Variants in ZDHHC13 observed in about 807,000 individuals in gnomAD.
ZDHHC13 encodes the protein palmitoyltransferase ZDHHC13.
ZDHHC13 carries 85 observed loss-of-function variants against 86.0 expected under a neutral mutation model. The observed-to-expected ratio is 0.99, with a 90% confidence interval of 0.83 to 1.18. ZDHHC13 has a LOEUF of 1.18. Among genes scored for constraint, ZDHHC13 ranks in the 50% most tolerant of loss-of-function variants. The pLI is 0.00. For missense variants in ZDHHC13, 711 were observed against 730.2 expected (o/e 0.97, Z 0.30); for synonymous variants, 263 against 246.4 (o/e 1.07, Z -0.63).
rs547108909 is a variant in ZDHHC13 at position 19,175,184 on chromosome 11, T to A, written c.1731-638T>A. 2.6e-5 allele frequency among the ~76,000 whole-genome samples: 4 copies of A among 151,428 alleles called. No homozygotes were observed. The East Asian group carries it at 5.9e-4, about 22-fold the overall frequency. ...TGGGCGGATCACGAGGTCAGGAGAT[T>A]GAGACCATCCTGGCTAACACGGTGA... On this transcript the variant is annotated intron_variant, in intron 16 of 16. Transcript: ENST00000446113.
At chr11:19,149,049 A>G (rs548837158) in intron 4 of ZDHHC13, 138 bp from the exon 5 acceptor site, 2 of 737,494 alleles carry the variant, frequency 2.7e-6, no homozygotes, top group South Asian at 4.1e-5. Context: ...GACAATCACC[A>G]TTGTTTCAAA....
chr11:19,151,056 T>A (rs1421590561), intron 6 of ZDHHC13, among the ~76,000 whole-genome samples: 1 of 152,086 alleles, frequency 6.6e-6, no homozygotes, highest in Non-Finnish European at 1.5e-5. Flanking sequence ...ATCAAGTAGA[T>A]ATACCTTGAA....
chr11:19,135,338 C>G (rs905872721), intron 1 of ZDHHC13, among the ~76,000 whole-genome samples: 6 of 152,218 alleles, frequency 3.9e-5, no homozygotes, highest in African/African-American at 7.2e-5. Flanking sequence ...TCGGGTCACT[C>G]CCACCCGAAT....
In ZDHHC13 at chr11:19,155,624, T is replaced by C. The variant is rs1201796472; in HGVS notation, c.874-172T>C. ...AAAAGATTGTTTCCAAGATGTACAA[T>C]CTCTCAAACCTCAAATTTATCAATC... On this transcript the variant is annotated intron_variant, in intron 8 of 16. Coordinates refer to ENST00000446113, the MANE Select transcript of ZDHHC13 (RefSeq NM_019028.3). 2.7e-5 allele frequency among the ~76,000 whole-genome samples: 4 copies of C among 149,574 alleles called. No homozygotes were observed. The East Asian group carries it at 8.0e-4, about 30-fold the overall frequency.
chr11:19,139,416 G>T (rs1432960194), intron 1 of ZDHHC13, among the ~76,000 whole-genome samples: 2 of 148,326 alleles, frequency 1.3e-5, no homozygotes, highest in Non-Finnish European at 3.0e-5. Flanking sequence ...AATAAAAGAG[G>T]ATACAAACAA....
chr11:19,174,914 C>G (rs150398836), intron 16 of ZDHHC13, among the ~76,000 whole-genome samples: 1 of 152,130 alleles, frequency 6.6e-6, no homozygotes, highest in Non-Finnish European at 1.5e-5. Context: ...TATATAGAGC[C>G]TTGAATACAA....
At chr11:19,119,473 C>T (rs1848715918) in intron 1 of ZDHHC13, among the ~76,000 whole-genome samples, 3 of 152,224 alleles carry the variant, frequency 2.0e-5, no homozygotes, top group Non-Finnish European at 4.4e-5. Flanking sequence ...GTCTTTCATA[C>T]TTACTTCTGG....
At chr11:19,156,659 A>G (rs1849763964) in intron 9 of ZDHHC13, among the ~76,000 whole-genome samples, 1 of 152,098 alleles carries the variant, frequency 6.6e-6, no homozygotes, top group Admixed American at 6.6e-5. Flanking sequence ...TCCTCAAATG[A>G]ATATGGGTGT....
chr11:19,123,511 G>A (rs1366026558), intron 1 of ZDHHC13, among the ~76,000 whole-genome samples: 1 of 152,052 alleles, frequency 6.6e-6, no homozygotes, highest in Non-Finnish European at 1.5e-5. Context: ...AGCAGGGTGT[G>A]GTAGTGCTTG....
intron 3 of ZDHHC13, 60 bp downstream of exon 3, chr11:19,146,363 T>G: frequency 6.4e-7 from 1 of 1,558,036 alleles, no homozygotes; most frequent in Non-Finnish European, 8.7e-7. Context: ...CCTTCATTTA[T>G]CTTTTTCTTT....
Position 19,169,004 on chromosome 11 carries a change from A to G in ZDHHC13, c.1475-1407A>G, listed in dbSNP as rs1319894012. ...TACCATTAGCCACTGGCCAGCTGAT[A>G]AGAATGTATTAGCACAAATTAAAGT... On this transcript the variant is annotated intron_variant, in intron 14 of 16. Coordinates refer to ENST00000446113, the MANE Select transcript of ZDHHC13 (RefSeq NM_019028.3). The G allele has an allele frequency of 4.1e-6, 4 of 985,374 alleles. No individual in the cohort carries two copies. The African/African-American group carries it at 7.0e-5, about 17-fold the overall frequency. 61.0% of individuals were successfully genotyped at this position (985,374 alleles called of 1,614,324 possible). A position where few individuals can be genotyped will look rare whatever the true frequency, so the allele number is the denominator to read the frequency against.
chr11:19,128,041 T>C lies in ZDHHC13; in HGVS notation c.27+10765T>C, dbSNP rs143444013. 6.9e-3 allele frequency among the ~76,000 whole-genome samples: 1,047 copies of C among 152,248 alleles called. 9 individuals are homozygous for C. The highest frequency in any genetic ancestry group is 0.024 in the African/African-American group (988 of 41,544). ...CATTAAATCTGTAAATTGCTTTGGG[T>C]AGTATGGCCATTTTCATGATATTGA... On this transcript the variant is annotated intron_variant, in intron 1 of 16. Coordinates refer to ENST00000446113, the MANE Select transcript of ZDHHC13 (RefSeq NM_019028.3).
At chr11:19,158,146 C>G (rs940454907) in intron 9 of ZDHHC13, among the ~76,000 whole-genome samples, 1 of 152,122 alleles carries the variant, frequency 6.6e-6, no homozygotes, top group African/African-American at 2.4e-5. Context: ...CAAATATGAA[C>G]TTACCATTAT....
At chr11:19,172,093 G>C (rs1850237031) in intron 15 of ZDHHC13, among the ~76,000 whole-genome samples, 1 of 152,124 alleles carries the variant, frequency 6.6e-6, no homozygotes, top group Admixed American at 6.5e-5. Flanking sequence ...TATTTTTTGA[G>C]ACAGAGTTTC....
Position 19,143,097 on chromosome 11 carries a change from TAA to T in ZDHHC13, c.148_149del (p.Asn50LeufsTer2). The T allele has an allele frequency of 3.1e-6, 5 of 1,613,046 alleles. No individual in the cohort carries two copies. The highest frequency in any genetic ancestry group is 4.2e-6 in the Non-Finnish European group (5 of 1,179,328). On this transcript the variant is annotated frameshift_variant, in exon 2 of 17. Coordinates refer to ENST00000446113, the MANE Select transcript of ZDHHC13 (RefSeq NM_019028.3). LOFTEE classifies it high-confidence loss of function. ...EALPLIEDSS[N>X]CDIVKATQYG... is the part of the protein sequence containing the mutation. ...CTCTTCCTCTTATAGAGGACTCTAG[TAA>T]CTGTGACATTGTCAAAGCTACTCAG...
intron 14 of ZDHHC13, 162 bp downstream of exon 14, chr11:19,166,547 C>A: frequency 4.0e-6 from 2 of 497,592 alleles, no homozygotes; most frequent in South Asian, 3.5e-5. Context: ...TGGGAAGCTG[C>A]AAGAAATACA....
In ZDHHC13 at chr11:19,149,693, C is replaced by T. The variant is rs1240800776; in HGVS notation, c.519+362C>T. 2.6e-5 allele frequency among the ~76,000 whole-genome samples: 4 copies of T among 152,144 alleles called. No individual in the cohort carries two copies. The East Asian group carries it at 7.7e-4, about 29-fold the overall frequency. ...AATCACTAAATTAACCCATCATTTG[C>T]TTTCATTATTTGAGCCCAAATGGGA... On this transcript the variant is annotated intron_variant, in intron 5 of 16. Transcript: ENST00000446113.
At chr11:19,139,626 A>ATT (rs1849250551) in intron 1 of ZDHHC13, among the ~76,000 whole-genome samples, 1 of 151,592 alleles carries the variant, frequency 6.6e-6, no homozygotes, top group African/African-American at 2.4e-5. Context: ...AAGCCAAAAG[A>ATT]ACAAAGCTGG....
chr11:19,117,264 G>T lies in ZDHHC13; in HGVS notation c.15G>T (p.Gly5=). Residue 5 remains glycine, a synonymous_variant, in exon 1 of 17, where the codon GGG becomes GGT. Coordinates refer to ENST00000446113, the MANE Select transcript of ZDHHC13 (RefSeq NM_019028.3). This position sits in a 1 kb window ranked among gnomAD's most constrained non-coding sequence, Gnocchi z 4.2. ...CTCCTGGGGAGATGGAGGGGCCGGG[G>T]CTGGGCTCGCAGGTGAGTGCGGCCG... MEGP[G]LGSQCRNHSH... is the part of the protein sequence containing the mutation. 2 of 1,499,350 alleles carry T rather than the reference G, an allele frequency of 1.3e-6. No homozygotes were observed. The allele number at this position is 1,499,350 out of a possible 1,614,324, so 92.9% of individuals were successfully genotyped here. A position where few individuals can be genotyped will look rare whatever the true frequency, so the allele number is the denominator to read the frequency against.
Sources: allele counts gnomAD v4.1 joint callset (sites outside exome capture counted in the v4.1 genomes callset), GRCh38; gene constraint gnomAD v4.1.1; non-coding constraint Gnocchi (gnomAD v3.1); transcripts MANE v1.5; gene names NCBI Gene and HGNC (gene_info 2026-07-23, HGNC 2026-07-21).